Variants in RANBP10 observed in about 807,000 individuals in gnomAD.
The protein encoded by RANBP10 is ran-binding protein 10.
A neutral mutation model predicts 72.8 loss-of-function variants in RANBP10; 24 were observed. The ratio of observed to expected loss-of-function variants is 0.33; its 90% CI spans 0.24 to 0.46. RANBP10 has a LOEUF of 0.46. Among genes scored for constraint, RANBP10 ranks in the 20% least tolerant of loss-of-function variants. The pLI, the probability that RANBP10 is intolerant of heterozygous loss-of-function variation, is 1.00. For synonymous variants in RANBP10, 310 were observed against 322.3 expected (o/e 0.96, Z 0.41); for missense variants, 679 against 817.5 (o/e 0.83, Z 2.07).
In RANBP10 at chr16:67,763,843, C is replaced by A. The variant is rs552964571; in HGVS notation, c.400+8191G>T. 1.2e-4 allele frequency among the ~76,000 whole-genome samples: 19 copies of A among 152,286 alleles called. No individual in the cohort carries two copies. In the East Asian group the frequency reaches 3.5e-3, roughly 28 times the overall value. On this transcript the variant is annotated intron_variant, in intron 3 of 13. Coordinates refer to ENST00000317506, the MANE Select transcript of RANBP10 (RefSeq NM_020850.3). ...CCGAGTAGCTAGGACTGTAGGCGCACGCCACCACGCCCGGCTAATTTTTTT... is the reference window on the plus strand; with the variant it reads ...CCGAGTAGCTAGGACTGTAGGCGCAAGCCACCACGCCCGGCTAATTTTTTT...
At chr16:67,748,971 T>C (rs747258673) in intron 3 of RANBP10, among the ~76,000 whole-genome samples, 4 of 152,084 alleles carry the variant, frequency 2.6e-5, no homozygotes, top group Non-Finnish European at 5.9e-5. Flanking sequence ...TCCTCCCAAG[T>C]GGCATGGGTA....
At chr16:67,768,400 A>G (rs2054544060) in intron 3 of RANBP10, among the ~76,000 whole-genome samples, 1 of 152,072 alleles carries the variant, frequency 6.6e-6, no homozygotes, top group Non-Finnish European at 1.5e-5. Flanking sequence ...GTGCGCCTGT[A>G]ATCCCAACTA....
At chr16:67,756,318 C>T (rs1290010158) in intron 3 of RANBP10, among the ~76,000 whole-genome samples, 4 of 152,198 alleles carry the variant, frequency 2.6e-5, no homozygotes, top group East Asian at 3.9e-4. Flanking sequence ...CCTCAGAAGC[C>T]GCAAGTTAGT....
chr16:67,757,485 G>T (rs1381052602), intron 3 of RANBP10, among the ~76,000 whole-genome samples: 1 of 152,134 alleles, frequency 6.6e-6, no homozygotes, highest in Non-Finnish European at 1.5e-5. Flanking sequence ...GCGCTGGCTT[G>T]GCCAGAGTGC....
At chr16:67,788,247 C>T (rs933762567) in intron 2 of RANBP10, among the ~76,000 whole-genome samples, 8 of 151,648 alleles carry the variant, frequency 5.3e-5, no homozygotes, top group African/African-American at 1.9e-4. Context: ...CCACGCCTGG[C>T]CTCTACAAAT....
At position 67,735,024 on chromosome 16, in the gene RANBP10, C is replaced by T. The variant is rs763888471; in HGVS notation, c.610G>A (p.Val204Ile). The change falls in exon 6 of 14, where the codon GTA (valine) becomes ATA (isoleucine). Residue 204 changes from valine to isoleucine, a missense_variant. Coordinates refer to ENST00000317506, the MANE Select transcript of RANBP10 (RefSeq NM_020850.3). ...ATCTCCCCAGGTGTCTGCAGGCCTA[C>T]GGTGGGGTAGAGGTTGGCCTGAGGA... ...TDLPANLYPT[V>I]GLQTPGEIVD... 9 of 1,607,838 alleles carry T rather than the reference C, an allele frequency of 5.6e-6. No homozygotes were observed. The highest frequency in any genetic ancestry group is 5.3e-5 in the African/African-American group (4 of 74,806).
rs1232254307 is a variant in RANBP10, at chr16:67,729,552, C to T, written c.1148-68G>A. On this transcript the variant is annotated intron_variant, in intron 9 of 13. Transcript: ENST00000317506. This position sits in a 1 kb window ranked among gnomAD's most constrained non-coding sequence, Gnocchi z 7.1. ...CATGAAATGAAGCCCCAAGAACAAC[C>T]ACAGTGGTCCCATTTCCCTTCTCCC... 5 of 1,566,668 alleles carry T rather than the reference C, an allele frequency of 3.2e-6. No homozygotes were observed. Among genetic ancestry groups the T allele is most frequent in the Non-Finnish European group, 1.7e-6 (2 of 1,156,318 alleles).
chr16:67,788,978 C>G (rs546143547), intron 2 of RANBP10, among the ~76,000 whole-genome samples: 1 of 147,110 alleles, frequency 6.8e-6, no homozygotes, highest in South Asian at 2.1e-4. Context: ...GCCTGGGCAA[C>G]AGAGTGAGAC....
chr16:67,790,850 C>T (rs1327258496), intron 2 of RANBP10, among the ~76,000 whole-genome samples: 6 of 151,226 alleles, frequency 4.0e-5, no homozygotes, highest in Non-Finnish European at 7.4e-5. Context: ...CAGGCACTCG[C>T]CACCATGCCT....
intron 4 of RANBP10, among the ~76,000 whole-genome samples, chr16:67,741,046 A>G (rs2053960214): frequency 6.6e-6 from 1 of 152,198 alleles, no homozygotes; most frequent in African/African-American, 2.4e-5. Context: ...AGCTCCGTAA[A>G]TTATATATAG....
chr16:67,745,496 A>T (rs1377020597), intron 3 of RANBP10, among the ~76,000 whole-genome samples: 1 of 151,496 alleles, frequency 6.6e-6, no homozygotes, highest in Non-Finnish European at 1.5e-5. Context: ...CACCATGCCC[A>T]GCTAATTTTT....
At chr16:67,794,954 A>T (rs150319922) in intron 2 of RANBP10, among the ~76,000 whole-genome samples, 5,323 of 150,662 alleles carry the variant, frequency 0.035, 316 homozygotes, top group African/African-American at 0.12. Context: ...AACAAAAAAA[A>T]AAAACAGCAA....
chr16:67,740,296 G>A (rs1418467654), intron 4 of RANBP10, among the ~76,000 whole-genome samples: 2 of 151,742 alleles, frequency 1.3e-5, no homozygotes, highest in East Asian at 1.9e-4. Context: ...TAGTGGAGAC[G>A]GGGTTTCACC....
chr16:67,753,658 A>C (rs1330536030), intron 3 of RANBP10, among the ~76,000 whole-genome samples: 1 of 152,184 alleles, frequency 6.6e-6, no homozygotes, highest in Non-Finnish European at 1.5e-5. Flanking sequence ...AAAGGGTATG[A>C]ACTCAGCATG....
intron 2 of RANBP10, among the ~76,000 whole-genome samples, chr16:67,797,168 A>C (rs942641616): frequency 1.3e-5 from 2 of 152,232 alleles, no homozygotes; most frequent in Non-Finnish European, 2.9e-5. Context: ...ACCATGACCC[A>C]TACAGGGAAA....
chr16:67,748,486 T>G, intron 3 of RANBP10, among the ~76,000 whole-genome samples: 1 of 151,580 alleles, frequency 6.6e-6, no homozygotes, highest in Admixed American at 6.6e-5. Context: ...ATCACGCCAC[T>G]GCACTCCAGC....
chr16:67,734,901 G>C lies in RANBP10; in HGVS notation c.733C>G (p.Pro245Ala). The change falls in exon 6 of 14, where the codon CCC becomes GCC. Residue 245 changes from proline to alanine, a missense_variant. Coordinates refer to ENST00000317506, the MANE Select transcript of RANBP10 (RefSeq NM_020850.3). ...CACTCGCCAAGCCGGGCACTGATGG[G>C]GAAGCAGTGGACCGTGCCCTGGACC... Reference protein sequence around the residue: ...AKVQGTVHCFPISARLGEWQA... With the variant: ...AKVQGTVHCFAISARLGEWQA... 1 of 1,611,298 alleles carries C rather than the reference G, an allele frequency of 6.2e-7. No homozygotes were observed. The highest frequency in any genetic ancestry group is 8.5e-7 in the Non-Finnish European group (1 of 1,178,080).
At chr16:67,731,378 GGACTCCT>G (rs1567673900) in intron 7 of RANBP10, 87 bp downstream of exon 7, 1 of 1,046,342 alleles carries the variant, frequency 9.6e-7, no homozygotes, top group East Asian at 2.4e-5. Context: ...AGAGCTGAAT[GGACTCCT>G]GACAGGTTAA....
chr16:67,744,989 A>G (rs2054042545), intron 3 of RANBP10, among the ~76,000 whole-genome samples: 1 of 151,410 alleles, frequency 6.6e-6, no homozygotes, highest in Non-Finnish European at 1.5e-5. Flanking sequence ...ACGCCCGGCT[A>G]ATTTTTTTTT....
Sources: allele counts gnomAD v4.1 joint callset (sites outside exome capture counted in the v4.1 genomes callset), GRCh38; gene constraint gnomAD v4.1.1; non-coding constraint Gnocchi (gnomAD v3.1); transcripts MANE v1.5; gene names NCBI Gene and HGNC (gene_info 2026-07-23, HGNC 2026-07-21).